Variants in THSD4 observed in about 807,000 individuals in gnomAD.
The protein encoded by THSD4 is thrombospondin type-1 domain-containing protein 4.
Under a neutral mutation model 119.0 loss-of-function variants are expected in THSD4, and 69 were observed. The ratio of observed to expected loss-of-function variants is 0.58; its 90% CI spans 0.48 to 0.71. The LOEUF is 0.71. THSD4 is among the 30% of genes least tolerant of loss of function. THSD4 has a pLI of 0.00. For missense variants in THSD4, 1,393 were observed against 1,391.1 expected, an observed-to-expected ratio of 1.00 and a Z score of -0.02; for synonymous variants, 524 against 540.4, an observed-to-expected ratio of 0.97 and a Z score of 0.42.
chr15:71,155,975 G>A (rs1410648057), intron 3 of THSD4, among the ~76,000 whole-genome samples: 3 of 152,182 alleles, frequency 2.0e-5, no homozygotes, highest in Non-Finnish European at 4.4e-5. Context: ...CAAATGGACA[G>A]TATTGCATAT....
At chr15:71,716,700 A>G (rs900675271) in intron 8 of THSD4, among the ~76,000 whole-genome samples, 10 of 151,624 alleles carry the variant, frequency 6.6e-5, no homozygotes, top group African/African-American at 2.4e-4. Flanking sequence ...CACGGTGCAC[A>G]CCTGACCGCA....
chr15:71,418,707 TC>T (rs576151728), intron 7 of THSD4, among the ~76,000 whole-genome samples: 1 of 109,360 alleles, frequency 9.1e-6, no homozygotes, highest in South Asian at 2.9e-4. Context: ...AAGTATTCCC[TC>T]CTCCTTTATT....
At chr15:71,570,293 A>G (rs570266417) in intron 7 of THSD4, among the ~76,000 whole-genome samples, 11 of 152,354 alleles carry the variant, frequency 7.2e-5, no homozygotes, top group Non-Finnish European at 1.0e-4. Flanking sequence ...ATTGCTCACA[A>G]CAACCCTATG....
At chr15:71,366,669 C>G (rs997336608) in intron 6 of THSD4, among the ~76,000 whole-genome samples, 1 of 152,176 alleles carries the variant, frequency 6.6e-6, no homozygotes, top group Non-Finnish European at 1.5e-5. Flanking sequence ...TCAATGCAGT[C>G]TGGCTCTCTC....
chr15:71,609,846 C>G (rs77624173), intron 7 of THSD4, among the ~76,000 whole-genome samples: 8 of 92,564 alleles, frequency 8.6e-5, no homozygotes, highest in African/African-American at 3.2e-4. Context: ...AGCAAGACTC[C>G]GTCTCAAAAA....
chr15:71,495,958 C>G (rs577179830), intron 7 of THSD4, among the ~76,000 whole-genome samples: 8 of 152,310 alleles, frequency 5.3e-5, no homozygotes, highest in Admixed American at 5.2e-4. Context: ...TGCTTACATT[C>G]TGGAGGGGCA....
chr15:71,112,282 T>C, upstream of THSD4: 2 of 1,517,736 alleles, frequency 1.3e-6, no homozygotes, highest in Non-Finnish European at 1.8e-6. Context: ...GTATGCATCA[T>C]TTATCAACTT....
chr15:71,373,886 T>C (rs2046095381), intron 6 of THSD4, among the ~76,000 whole-genome samples: 2 of 152,236 alleles, frequency 1.3e-5, no homozygotes, highest in Admixed American at 6.5e-5. Flanking sequence ...TGCTGCATGA[T>C]GGTCCCTGAG....
chr15:71,694,159 A>G (rs1410609590), intron 8 of THSD4, among the ~76,000 whole-genome samples: 1 of 152,220 alleles, frequency 6.6e-6, no homozygotes, highest in Admixed American at 6.5e-5. Flanking sequence ...CAGATCCTCT[A>G]TTTGGAAAAA....
chr15:71,582,916 A>G (rs1360157771), intron 7 of THSD4, among the ~76,000 whole-genome samples: 2 of 152,100 alleles, frequency 1.3e-5, no homozygotes, highest in African/African-American at 4.8e-5. Context: ...ATCTGTATCT[A>G]TCAAGAATAT....
At chr15:71,743,244 C>T (rs932688011) in intron 11 of THSD4, among the ~76,000 whole-genome samples, 1 of 152,142 alleles carries the variant, frequency 6.6e-6, no homozygotes, top group African/African-American at 2.4e-5. Context: ...AGACACAGAG[C>T]ATTCCTATGG....
At chr15:71,475,154 C>T (rs74787323) in intron 7 of THSD4, among the ~76,000 whole-genome samples, 3,311 of 152,296 alleles carry the variant, frequency 0.022, 102 homozygotes, top group South Asian at 0.11. Flanking sequence ...CTAATAATCC[C>T]TTTACGAAGC....
At chr15:71,378,566 T>C (rs1275090260) in intron 6 of THSD4, among the ~76,000 whole-genome samples, 2 of 152,238 alleles carry the variant, frequency 1.3e-5, no homozygotes, top group Non-Finnish European at 2.9e-5. Context: ...GAAAACAATG[T>C]AATGCAGTAA....
intron 7 of THSD4, among the ~76,000 whole-genome samples, chr15:71,468,696 C>G (rs1182213412): frequency 6.6e-6 from 1 of 152,180 alleles, no homozygotes; most frequent in African/African-American, 2.4e-5. Flanking sequence ...AATAAACAGT[C>G]CAGGGCTGTT....
chr15:71,243,213 C>T (rs1043676703), intron 5 of THSD4, 117 bp downstream of exon 5: 3 of 993,848 alleles, frequency 3.0e-6, no homozygotes, highest in Non-Finnish European at 4.4e-6. Flanking sequence ...GTTAACACAC[C>T]TTTTAATCTT....
intron 7 of THSD4, among the ~76,000 whole-genome samples, chr15:71,552,758 G>C (rs578234154): frequency 6.6e-6 from 1 of 152,012 alleles, no homozygotes; most frequent in African/African-American, 2.4e-5. Flanking sequence ...GAGATTCTTC[G>C]GCTTCAGCCT....
At chr15:71,294,470 C>G (rs958848537) in intron 6 of THSD4, among the ~76,000 whole-genome samples, 1 of 152,158 alleles carries the variant, frequency 6.6e-6, no homozygotes, top group African/African-American at 2.4e-5. Context: ...AGTTCAGGAT[C>G]CACTTAGATG....
At chr15:71,363,438 C>T (rs961601563) in intron 6 of THSD4, among the ~76,000 whole-genome samples, 1 of 152,010 alleles carries the variant, frequency 6.6e-6, no homozygotes, top group Non-Finnish European at 1.5e-5. Flanking sequence ...TGTGTGTACG[C>T]GTGTGTGTGT....
At chr15:71,496,257 T>C (rs1019340446) in intron 7 of THSD4, among the ~76,000 whole-genome samples, 2 of 152,314 alleles carry the variant, frequency 1.3e-5, no homozygotes, top group African/African-American at 4.8e-5. Flanking sequence ...AAATTAATGT[T>C]TCATATTAAA....
Sources: allele counts gnomAD v4.1 joint callset (sites outside exome capture counted in the v4.1 genomes callset), GRCh38; gene constraint gnomAD v4.1.1; transcripts MANE v1.5; gene names NCBI Gene and HGNC (gene_info 2026-07-23, HGNC 2026-07-21).